The following ARFGEF1 variants were observed in gnomAD, a reference collection of about 807,000 sequenced individuals.
ARFGEF1 encodes the protein ARF guanine nucleotide exchange factor 1, also known as brefeldin A-inhibited guanine nucleotide-exchange protein 1.
In ARFGEF1, 42 loss-of-function variants were observed where a neutral mutation model predicts 231.0. The ratio of observed to expected loss-of-function variants is 0.18; its 90% confidence interval spans 0.14 to 0.24. The LOEUF (loss-of-function observed/expected upper bound fraction) is 0.24, where lower values mean the gene tolerates loss of function less well. ARFGEF1 is among the 10% of genes least tolerant of loss of function. The pLI is 1.00. For missense variants in ARFGEF1, 1,345 were observed against 2,192.0 expected (o/e 0.61, Z 7.72); for synonymous variants, 710 against 732.3 (o/e 0.97, Z 0.49).
At chr8:67,335,970 C>T (rs1808329421) in intron 1 of ARFGEF1, among the ~76,000 whole-genome samples, 1 of 152,004 alleles carries the variant, frequency 6.6e-6, no homozygotes, top group African/African-American at 2.4e-5. Flanking sequence ...AGGCTGGTCT[C>T]GAACGCCTGA....
intron 22 of ARFGEF1, among the ~76,000 whole-genome samples, chr8:67,234,257 C>T (rs2128875581): frequency 6.6e-6 from 1 of 152,236 alleles, no homozygotes; most frequent in Non-Finnish European, 1.5e-5. Flanking sequence ...TAATAATTTA[C>T]ACCAGGAGAG....
At chr8:67,202,972 AT>A in intron 36 of ARFGEF1, 110 bp downstream of exon 36, 1 of 1,122,940 alleles carries the variant, frequency 8.9e-7, no homozygotes, top group Non-Finnish European at 1.3e-6. Context: ...CAGAGTACAT[AT>A]AGTGACATGC....
chr8:67,236,597 G>A (rs961636219), intron 22 of ARFGEF1, among the ~76,000 whole-genome samples: 3 of 151,894 alleles, frequency 2.0e-5, no homozygotes, highest in African/African-American at 7.2e-5. Context: ...CAACGGGAGG[G>A]CTCTGCCCAA....
chr8:67,297,248 G>A (rs1361050370), intron 4 of ARFGEF1, among the ~76,000 whole-genome samples: 1 of 152,120 alleles, frequency 6.6e-6, no homozygotes, highest in African/African-American at 2.4e-5. Flanking sequence ...GCACAGATAC[G>A]TCACATGAGA....
chr8:67,315,781 CAATAAA>C (rs1313209946), intron 1 of ARFGEF1, among the ~76,000 whole-genome samples: 1 of 151,780 alleles, frequency 6.6e-6, no homozygotes, highest in East Asian at 1.9e-4. Context: ...ACATGGAACT[CAATAAA>C]AATAAAAATA....
At chr8:67,294,101 T>C (rs775163784) in intron 5 of ARFGEF1, among the ~76,000 whole-genome samples, 2 of 152,044 alleles carry the variant, frequency 1.3e-5, no homozygotes, top group Non-Finnish European at 2.9e-5. Context: ...CCCTAAACAA[T>C]ACAGTATAAC....
intron 30 of ARFGEF1, among the ~76,000 whole-genome samples, chr8:67,219,176 A>C (rs1839062501): frequency 6.6e-6 from 1 of 152,188 alleles, no homozygotes; most frequent in African/African-American, 2.4e-5. Context: ...CATGTTGGCC[A>C]GGCTGGTCTC....
At chr8:67,313,158 G>A (rs922713647) in intron 1 of ARFGEF1, among the ~76,000 whole-genome samples, 1 of 152,220 alleles carries the variant, frequency 6.6e-6, no homozygotes, top group South Asian at 2.1e-4. Context: ...CTACTTGGGA[G>A]GCTGAGCCAG....
chr8:67,300,259 G>A (rs1159359575), intron 3 of ARFGEF1, among the ~76,000 whole-genome samples: 1 of 152,016 alleles, frequency 6.6e-6, no homozygotes, highest in African/African-American at 2.4e-5. Context: ...TATCCTTAAG[G>A]ACAAATAATA....
chr8:67,289,384 T>G (rs1459557032), intron 6 of ARFGEF1, among the ~76,000 whole-genome samples: 1 of 151,848 alleles, frequency 6.6e-6, no homozygotes, highest in African/African-American at 2.4e-5. Context: ...TGAGACCCAG[T>G]TGCTACAAAA....
intron 1 of ARFGEF1, among the ~76,000 whole-genome samples, chr8:67,316,464 A>C (rs1272075086): frequency 2.0e-5 from 3 of 146,350 alleles, no homozygotes; most frequent in African/African-American, 7.5e-5. Context: ...CTGTTGTATA[A>C]TTTTTTTTTT....
chr8:67,297,566 G>A (rs1806291359), intron 4 of ARFGEF1, among the ~76,000 whole-genome samples: 1 of 152,068 alleles, frequency 6.6e-6, no homozygotes, highest in African/African-American at 2.4e-5. Context: ...GCAACAGAGT[G>A]AGACTGTCCC....
At chr8:67,339,968 G>C (rs1229035423) in intron 1 of ARFGEF1, among the ~76,000 whole-genome samples, 1 of 151,564 alleles carries the variant, frequency 6.6e-6, no homozygotes, top group African/African-American at 2.4e-5. Context: ...TTTTAATGAA[G>C]TAAAATTTCC....
intron 35 of ARFGEF1, among the ~76,000 whole-genome samples, chr8:67,203,762 A>G (rs1587029054): frequency 6.6e-6 from 1 of 152,318 alleles, no homozygotes; most frequent in South Asian, 2.1e-4. Flanking sequence ...CAAATCTCAC[A>G]TGGTAGATGA....
At chr8:67,323,684 T>C (rs1433471942) in intron 1 of ARFGEF1, among the ~76,000 whole-genome samples, 2 of 152,232 alleles carry the variant, frequency 1.3e-5, no homozygotes, top group African/African-American at 4.8e-5. Context: ...GTTAATTTAC[T>C]GAGATCTAAG....
At chr8:67,221,610 T>C (rs1839163511) in intron 29 of ARFGEF1, among the ~76,000 whole-genome samples, 1 of 152,138 alleles carries the variant, frequency 6.6e-6, no homozygotes. Context: ...TTAAAAATTA[T>C]AAAGCAAAAA....
At chr8:67,175,422 A>T, downstream of ARFGEF1, 8 of 1,614,194 alleles carry the variant, frequency 5.0e-6, no homozygotes, top group Non-Finnish European at 6.8e-6. Flanking sequence ...ATAAAAATGC[A>T]GGAAGGTGCC....
At chr8:67,175,867 A>C (rs1474223002) in intron 5 of ARFGEF1, among the ~76,000 whole-genome samples, 2 of 152,240 alleles carry the variant, frequency 1.3e-5, no homozygotes, top group South Asian at 2.1e-4. Context: ...TCTGTAAAGC[A>C]TCAGACTGGA....
At chr8:67,291,419 CTTTT>C (rs58068449) in intron 6 of ARFGEF1, among the ~76,000 whole-genome samples, 4 of 145,664 alleles carry the variant, frequency 2.7e-5, no homozygotes, top group African/African-American at 1.0e-4. Context: ...AATTTCAGTA[CTTTT>C]TTTTTTTTAC....
Sources: allele counts gnomAD v4.1 joint callset (sites outside exome capture counted in the v4.1 genomes callset), GRCh38; gene constraint gnomAD v4.1.1; transcripts MANE v1.5; gene names NCBI Gene and HGNC (gene_info 2026-07-23, HGNC 2026-07-21).